The following RDH10 variants were observed in gnomAD, a reference collection of about 807,000 sequenced individuals.
The protein encoded by RDH10 is retinol dehydrogenase 10, also known as retinol dehydrogenase 10 (all-trans).
A neutral mutation model predicts 30.2 loss-of-function variants in RDH10; 12 were observed. That is an observed-to-expected ratio of 0.40 (90% CI 0.25 to 0.64). The LOEUF is 0.64. Ranked by LOEUF, RDH10 falls within the 30% of genes least tolerant of loss-of-function variation. The probability of loss-of-function intolerance (pLI) is 0.43; values close to 1 mark genes in which losing one functional copy is unlikely to be tolerated. For missense variants in RDH10, 268 were observed against 445.2 expected (o/e 0.60, Z 3.58); for synonymous variants, 189 against 172.2 (o/e 1.10, Z -0.76).
At chr8:73,312,213 G>C (rs936154773) in intron 2 of RDH10, 2 of 151,984 alleles carry the variant, frequency 1.3e-5, no homozygotes, top group African/African-American at 4.8e-5. Flanking sequence ...GCACCTTCAG[G>C]CATTATAGGA....
rs1433907740 is a variant in RDH10, at chr8:73,322,660, T to C, written c.771-19T>C. 6.3e-7 allele frequency: 1 copy of C among 1,599,436 alleles called. No individual in the cohort carries two copies. Among genetic ancestry groups the C allele is most frequent in the Non-Finnish European group, 8.5e-7 (1 of 1,170,932 alleles). ...ATTGTGTTAATTTTTCATTTTGTTT[T>C]TGAATAAATAACTTTCAGGAAAGAA... On this transcript the variant is annotated intron_variant, in intron 4 of 5. Coordinates refer to ENST00000240285, the MANE Select transcript of RDH10 (RefSeq NM_172037.5).
At chr8:73,320,756 G>A (rs1433028631) in intron 3 of RDH10, among the ~76,000 whole-genome samples, 176 bp from the exon 4 acceptor site, 1 of 152,192 alleles carries the variant, frequency 6.6e-6, no homozygotes, top group Non-Finnish European at 1.5e-5. Context: ...ACAGGCATGA[G>A]CCACTATGCC....
intron 2 of RDH10, chr8:73,312,191 A>G (rs1814575889): frequency 6.6e-6 from 1 of 152,208 alleles, no homozygotes. Context: ...AACACAGTTC[A>G]CTATATTTTA....
intron 2 of RDH10, among the ~76,000 whole-genome samples, chr8:73,317,247 A>G (rs1814686748): frequency 6.6e-6 from 1 of 152,210 alleles, no homozygotes; most frequent in South Asian, 2.1e-4. Context: ...AATATTAGAT[A>G]AAGGTTTAAC....
rs1814293608 is a variant in RDH10, at chr8:73,297,638, T to C, written c.525+209T>C. On this transcript the variant is annotated intron_variant, in intron 2 of 5. Transcript: ENST00000240285. ...CCCCCCGCCACCCCTAACTCAGTAT[T>C]TTTGAGAGGGCAGAGGATTGAACAT... The C allele has an allele frequency of 1.0e-5, 5 of 501,796 alleles. No individual in the cohort carries two copies. The East Asian group carries it at 1.7e-4, about 18-fold the overall frequency. 31.1% of individuals were successfully genotyped at this position (501,796 alleles called of 1,614,324 possible).
At chr8:73,310,662 T>C (rs554900238) in intron 2 of RDH10, among the ~76,000 whole-genome samples, 47 of 152,350 alleles carry the variant, frequency 3.1e-4, no homozygotes, top group African/African-American at 1.1e-3. Context: ...TGACAGCCTG[T>C]TGTTTGGCAA....
chr8:73,314,653 A>G (rs990453011), intron 2 of RDH10, among the ~76,000 whole-genome samples: 1 of 152,176 alleles, frequency 6.6e-6, no homozygotes, highest in Non-Finnish European at 1.5e-5. Flanking sequence ...CAGCTTTAGA[A>G]ACAAGCCGTC....
chr8:73,317,913 C>G (rs1316790372), intron 2 of RDH10, among the ~76,000 whole-genome samples: 1 of 150,172 alleles, frequency 6.7e-6, no homozygotes, highest in Admixed American at 6.6e-5. Flanking sequence ...CCGCAAAACC[C>G]TGTCCCCCAC....
Position 73,297,550 on chromosome 8 carries a change from G to C in RDH10, c.525+121G>C, listed in dbSNP as rs1214220059. On this transcript the variant is annotated intron_variant, in intron 2 of 5. Transcript: ENST00000240285. Reference sequence around the variant, plus strand: ...ACTCTTTCGCCACAAGGTCTCCTTAGCTCTTCCCTATGGTAAACTGCAGTG... The same window carrying C: ...ACTCTTTCGCCACAAGGTCTCCTTACCTCTTCCCTATGGTAAACTGCAGTG... 6 of 714,530 alleles carry C rather than the reference G, an allele frequency of 8.4e-6. No homozygotes were observed. In the African/African-American group the frequency reaches 1.0e-4, roughly 12 times the overall value. 44.3% of individuals were successfully genotyped at this position (714,530 alleles called of 1,614,324 possible). A position where few individuals can be genotyped will look rare whatever the true frequency, so the allele number is the denominator to read the frequency against.
chr8:73,299,979 A>T (rs1586187203), intron 2 of RDH10, among the ~76,000 whole-genome samples: 2 of 152,310 alleles, frequency 1.3e-5, no homozygotes, highest in East Asian at 3.9e-4. Context: ...CTGGACCTGA[A>T]TCTGTATACC....
At chr8:73,298,919 A>G (rs925098353) in intron 2 of RDH10, among the ~76,000 whole-genome samples, 6 of 152,156 alleles carry the variant, frequency 3.9e-5, no homozygotes, top group African/African-American at 1.4e-4. Context: ...GGTTCAAGCA[A>G]TTCTCCTGTC....
At chr8:73,322,309 T>C in intron 4 of RDH10, 1 of 295,720 alleles carries the variant, frequency 3.4e-6, no homozygotes, top group East Asian at 8.8e-5. Flanking sequence ...CTACAACTAA[T>C]ACTAAAAGCT....
At chr8:73,315,781 A>G (rs1290375143) in intron 2 of RDH10, among the ~76,000 whole-genome samples, 1 of 152,206 alleles carries the variant, frequency 6.6e-6, no homozygotes. Context: ...TTGATATTGG[A>G]TGTAATTTCT....
At chr8:73,302,553 C>T (rs1814397817) in intron 2 of RDH10, among the ~76,000 whole-genome samples, 1 of 152,080 alleles carries the variant, frequency 6.6e-6, no homozygotes, top group Non-Finnish European at 1.5e-5. Flanking sequence ...GGCGTGGTGG[C>T]ACGTGCCTGT....
chr8:73,308,298 G>C (rs1814497039), intron 2 of RDH10, among the ~76,000 whole-genome samples: 1 of 152,178 alleles, frequency 6.6e-6, no homozygotes, highest in South Asian at 2.1e-4. Flanking sequence ...CAGAATTCCA[G>C]ATAGCTTCAT....
At chr8:73,318,743 C>T (rs896314873) in intron 2 of RDH10, among the ~76,000 whole-genome samples, 4 of 152,174 alleles carry the variant, frequency 2.6e-5, no homozygotes, top group Admixed American at 2.0e-4. Context: ...TGAAGTGTCA[C>T]GAGCAGAAAC....
At chr8:73,318,080 C>A (rs1426137995) in intron 2 of RDH10, among the ~76,000 whole-genome samples, 2 of 152,088 alleles carry the variant, frequency 1.3e-5, no homozygotes. Context: ...CTTCATAAAT[C>A]ATGGGAAGCT....
chr8:73,296,928 G>A (rs1230872798), intron 1 of RDH10: 2 of 425,172 alleles, frequency 4.7e-6, no homozygotes, highest in Non-Finnish European at 8.8e-6. Flanking sequence ...GATCCCATGT[G>A]GTCTACTTGT....
intron 2 of RDH10, among the ~76,000 whole-genome samples, chr8:73,301,090 G>A (rs534898703): frequency 5.1e-5 from 6 of 118,162 alleles, no homozygotes; most frequent in Admixed American, 3.4e-4. Flanking sequence ...TCGCTCTGTC[G>A]CCCAGGCTGG....
Sources: gnomAD v4.1 joint callset for allele counts (sites outside exome capture counted in the v4.1 genomes callset) on GRCh38, gnomAD v4.1.1 for gene constraint, MANE v1.5 for transcripts, NCBI Gene and HGNC (gene_info 2026-07-23, HGNC 2026-07-21) for gene names.